Variants in SH3GL3 observed in about 807,000 individuals in gnomAD.
The protein encoded by SH3GL3 is endophilin-A3.
Under a neutral mutation model 47.7 loss-of-function variants are expected in SH3GL3, and 33 were observed. That is an observed-to-expected ratio of 0.69 (90% CI 0.52 to 0.92). SH3GL3 has a LOEUF of 0.92. Ranked by LOEUF, SH3GL3 falls within the 40% of genes least tolerant of loss-of-function variation. The probability of loss-of-function intolerance (pLI) is 0.00; values close to 1 mark genes in which losing one functional copy is unlikely to be tolerated. For missense variants in SH3GL3, 363 were observed against 417.8 expected, an observed-to-expected ratio of 0.87 and a Z score of 1.14; for synonymous variants, 155 against 148.8, an observed-to-expected ratio of 1.04 and a Z score of -0.30.
At chr15:83,569,442 A>G (rs1048937958) in intron 4 of SH3GL3, among the ~76,000 whole-genome samples, 1 of 152,224 alleles carries the variant, frequency 6.6e-6, no homozygotes, top group African/African-American at 2.4e-5. Flanking sequence ...TTTACATAGC[A>G]TTTACAATAA....
chr15:83,600,175 C>T (rs1304711738), intron 8 of SH3GL3, among the ~76,000 whole-genome samples: 1 of 152,138 alleles, frequency 6.6e-6, no homozygotes, highest in Non-Finnish European at 1.5e-5. Context: ...TTTTGCTCTG[C>T]AAAAGCTCTT....
At chr15:83,461,975 G>C (rs1288310809) in intron 1 of SH3GL3, among the ~76,000 whole-genome samples, 8 of 152,174 alleles carry the variant, frequency 5.3e-5, no homozygotes, top group African/African-American at 1.7e-4. Flanking sequence ...TTGTTTTCAG[G>C]TTTTATTATA....
chr15:83,542,400 A>G (rs1303375066), intron 1 of SH3GL3, among the ~76,000 whole-genome samples: 3 of 152,108 alleles, frequency 2.0e-5, no homozygotes, highest in Admixed American at 6.5e-5. Context: ...GAAGTCAGTT[A>G]ATGTGATTAC....
intron 1 of SH3GL3, among the ~76,000 whole-genome samples, chr15:83,457,704 AG>A: frequency 6.6e-6 from 1 of 152,368 alleles, no homozygotes; most frequent in Admixed American, 6.5e-5. Flanking sequence ...AATATATTAA[AG>A]CTAAAACATT....
intron 1 of SH3GL3, among the ~76,000 whole-genome samples, chr15:83,493,007 A>G (rs2041939500): frequency 6.6e-6 from 1 of 152,258 alleles, no homozygotes; most frequent in Non-Finnish European, 1.5e-5. Flanking sequence ...CTGGATTCAA[A>G]CAACCCATCT....
chr15:83,546,431 G>C (rs1014367426), intron 1 of SH3GL3, among the ~76,000 whole-genome samples: 4 of 139,912 alleles, frequency 2.9e-5, no homozygotes, highest in South Asian at 2.4e-4. Flanking sequence ...AATGCAGTGG[G>C]TTCCCTTCTG....
intron 1 of SH3GL3, among the ~76,000 whole-genome samples, chr15:83,544,278 C>T (rs1327403036): frequency 6.6e-6 from 1 of 152,038 alleles, no homozygotes; most frequent in African/African-American, 2.4e-5. Context: ...ACTGGTCCTT[C>T]AGTAGCATAC....
intron 1 of SH3GL3, among the ~76,000 whole-genome samples, chr15:83,470,783 A>T (rs553926429): frequency 5.7e-4 from 86 of 151,886 alleles, no homozygotes; most frequent in Non-Finnish European, 9.7e-4. Flanking sequence ...AGTGTTTTTG[A>T]GTACACCTCT....
chr15:83,464,956 C>A (rs1035411763), intron 1 of SH3GL3, among the ~76,000 whole-genome samples: 1 of 150,280 alleles, frequency 6.7e-6, no homozygotes, highest in African/African-American at 2.5e-5. Context: ...AACAAACCTG[C>A]ACATTGTGCA....
intron 1 of SH3GL3, among the ~76,000 whole-genome samples, chr15:83,450,511 C>T (rs1451790447): frequency 6.6e-6 from 1 of 151,848 alleles, no homozygotes; most frequent in Non-Finnish European, 1.5e-5. Context: ...TGATACCTTC[C>T]CTATCTCTGG....
intron 1 of SH3GL3, among the ~76,000 whole-genome samples, chr15:83,552,286 A>T (rs1210672693): frequency 6.6e-6 from 1 of 152,238 alleles, no homozygotes; most frequent in East Asian, 1.9e-4. Flanking sequence ...AATGTATTTA[A>T]GGTTATACAA....
At chr15:83,547,999 C>G (rs1249894681) in intron 1 of SH3GL3, among the ~76,000 whole-genome samples, 1 of 151,518 alleles carries the variant, frequency 6.6e-6, no homozygotes, top group African/African-American at 2.4e-5. Context: ...TAGTAGCTTG[C>G]TAGTTATATA....
intron 1 of SH3GL3, among the ~76,000 whole-genome samples, chr15:83,517,136 G>A (rs11636510): frequency 0.088 from 13,319 of 151,340 alleles, 787 homozygotes; most frequent in Non-Finnish European, 0.13. Flanking sequence ...GTGTCATCTG[G>A]TGTTCACTGC....
At chr15:83,558,360 T>A (rs1398280296) in intron 1 of SH3GL3, among the ~76,000 whole-genome samples, 1 of 152,182 alleles carries the variant, frequency 6.6e-6, no homozygotes, top group Admixed American at 6.5e-5. Flanking sequence ...TTTATTTTCC[T>A]CCATTCTTCC....
intron 1 of SH3GL3, among the ~76,000 whole-genome samples, chr15:83,528,863 T>C (rs943085138): frequency 6.6e-6 from 1 of 152,224 alleles, no homozygotes; most frequent in African/African-American, 2.4e-5. Context: ...AGGTGTCATA[T>C]TTCCTTGCTC....
intron 1 of SH3GL3, among the ~76,000 whole-genome samples, chr15:83,547,502 C>G (rs1038997397): frequency 6.6e-6 from 1 of 152,186 alleles, no homozygotes; most frequent in Non-Finnish European, 1.5e-5. Context: ...TCTTCAGTGC[C>G]TCTTTCTTGG....
intron 1 of SH3GL3, among the ~76,000 whole-genome samples, chr15:83,494,566 TGA>T (rs2042004451): frequency 6.7e-6 from 1 of 150,206 alleles, no homozygotes; most frequent in East Asian, 2.0e-4. Context: ...TTTTTTGAGG[TGA>T]GTCTTGCTCT....
chr15:83,596,591 T>G (rs1398022148), intron 8 of SH3GL3, among the ~76,000 whole-genome samples: 2 of 152,200 alleles, frequency 1.3e-5, no homozygotes, highest in East Asian at 1.9e-4. Context: ...CCTTTTAGTC[T>G]GATTACTTGC....
intron 1 of SH3GL3, among the ~76,000 whole-genome samples, chr15:83,519,187 T>C (rs547433809): frequency 6.6e-6 from 1 of 152,312 alleles, no homozygotes; most frequent in South Asian, 2.1e-4. Context: ...TTAGAATAGT[T>C]TTCTCTAGAT....
Sources: gnomAD v4.1 joint callset for allele counts (sites outside exome capture counted in the v4.1 genomes callset) on GRCh38, gnomAD v4.1.1 for gene constraint, MANE v1.5 for transcripts, NCBI Gene and HGNC (gene_info 2026-07-23, HGNC 2026-07-21) for gene names.